PCDH15: variants seen among roughly 807,000 people sequenced by gnomAD.
The protein encoded by PCDH15 is protocadherin-15.
A neutral mutation model predicts 178.5 loss-of-function variants in PCDH15; 129 were observed. The ratio of observed to expected loss-of-function variants is 0.72; its 90% CI spans 0.63 to 0.84. The LOEUF is 0.84. Ranked by LOEUF, PCDH15 falls within the 40% of genes least tolerant of loss-of-function variation. The pLI, the probability that PCDH15 is intolerant of heterozygous loss-of-function variation, is 0.00. For missense variants in PCDH15, 2,230 were observed against 2,099.9 expected, an observed-to-expected ratio of 1.06 and a Z score of -1.21; for synonymous variants, 800 against 732.0, an observed-to-expected ratio of 1.09 and a Z score of -1.50.
intron 1 of PCDH15, among the ~76,000 whole-genome samples, chr10:54,703,248 A>G (rs1156609739): frequency 6.6e-6 from 1 of 152,136 alleles, no homozygotes; most frequent in Admixed American, 6.6e-5. Flanking sequence ...AGAGCCGTCT[A>G]TGACAAACCC....
chr10:54,163,341 C>T (rs1163772183), intron 13 of PCDH15, among the ~76,000 whole-genome samples: 1 of 151,910 alleles, frequency 6.6e-6, no homozygotes, highest in Non-Finnish European at 1.5e-5. Context: ...ACTGGGAGGC[C>T]TCAGGAAACT....
intron 1 of PCDH15, among the ~76,000 whole-genome samples, chr10:55,297,705 A>T (rs1301097030): frequency 6.6e-6 from 1 of 152,114 alleles, no homozygotes; most frequent in Non-Finnish European, 1.5e-5. Context: ...ACTGAATACT[A>T]AGGTGTTTGC....
At chr10:55,269,071 A>G (rs938841647) in intron 1 of PCDH15, among the ~76,000 whole-genome samples, 1 of 152,142 alleles carries the variant, frequency 6.6e-6, no homozygotes, top group Non-Finnish European at 1.5e-5. Flanking sequence ...AAAGCTTTCA[A>G]CATAATCCAA....
At chr10:55,267,117 G>A (rs1015399393) in intron 1 of PCDH15, among the ~76,000 whole-genome samples, 4 of 152,062 alleles carry the variant, frequency 2.6e-5, no homozygotes, top group African/African-American at 4.8e-5. Flanking sequence ...AGGAAGGCAG[G>A]GAGGGGGAGG....
intron 2 of PCDH15, among the ~76,000 whole-genome samples, chr10:55,544,668 C>T (rs1841839790): frequency 6.6e-6 from 1 of 152,094 alleles, no homozygotes; most frequent in African/African-American, 2.4e-5. Flanking sequence ...CCATCATACA[C>T]AATAAAGGGG....
rs1415161284 is a variant in PCDH15 at position 53,822,406 on chromosome 10, AAGG to A, written c.4368-2179_4368-2177del. On this transcript the variant is annotated intron_variant, in intron 32 of 37. Coordinates refer to ENST00000644397, the MANE Select transcript of PCDH15 (RefSeq NM_001384140.1). ...GAGGGAGGAGGACAAAAAAGAGAAA[AAGG>A]AGAAATGTCAGGAGGAGGAGCAAGA... The A allele has an allele frequency of 1.3e-6, 2 of 1,576,194 alleles. No individual in the cohort carries two copies. The highest frequency in any genetic ancestry group is 8.6e-7 in the Non-Finnish European group (1 of 1,160,852).
At chr10:54,539,941 C>A (rs1219787) in intron 2 of PCDH15, among the ~76,000 whole-genome samples, 70,197 of 151,980 alleles carry the variant, frequency 0.46, 16,924 homozygotes, top group African/African-American at 0.59. Flanking sequence ...TTAAAAAATT[C>A]TTTTAAATAA....
chr10:54,357,263 C>T (rs1209825857), intron 5 of PCDH15, among the ~76,000 whole-genome samples: 4 of 152,028 alleles, frequency 2.6e-5, no homozygotes, highest in Admixed American at 2.0e-4. Flanking sequence ...ATCTGAAAAC[C>T]CCACTGTCTC....
At chr10:54,929,239 G>A (rs1339624512) in intron 2 of PCDH15, among the ~76,000 whole-genome samples, 1 of 152,078 alleles carries the variant, frequency 6.6e-6, no homozygotes, top group African/African-American at 2.4e-5. Context: ...AACTCTGGGG[G>A]ACTTGTATTG....
intron 2 of PCDH15, among the ~76,000 whole-genome samples, chr10:54,911,283 A>G (rs1450116774): frequency 6.6e-6 from 1 of 152,150 alleles, no homozygotes; most frequent in Non-Finnish European, 1.5e-5. Context: ...ATATTTAACA[A>G]ATCTAAACCT....
At chr10:55,175,014 T>C (rs1839438857) in intron 1 of PCDH15, among the ~76,000 whole-genome samples, 1 of 149,338 alleles carries the variant, frequency 6.7e-6, no homozygotes, top group Non-Finnish European at 1.5e-5. Context: ...GCAGGCCGAC[T>C]TACAAACAGC....
In PCDH15 at chr10:54,421,826, A is replaced by G. The variant is rs1369709448; in HGVS notation, c.158-42884T>C. Among the ~76,000 whole-genome samples the G allele has an allele frequency of 4.4e-3, 351 of 79,714 alleles. 9 individuals carry two copies. Among genetic ancestry groups the G allele is most frequent in the African/African-American group, 0.017 (327 of 19,042 alleles). 52.3% of individuals were successfully genotyped at this position (79,714 alleles called of 152,430 possible). On this transcript the variant is annotated intron_variant, in intron 3 of 37. Coordinates refer to ENST00000644397, the MANE Select transcript of PCDH15 (RefSeq NM_001384140.1). ...ACATGTGTAGTGTGTGTATATATAT[A>G]TATATATATATACACACACACTATA...
At chr10:54,274,329 A>G (rs1381827762) in intron 8 of PCDH15, among the ~76,000 whole-genome samples, 2 of 152,074 alleles carry the variant, frequency 1.3e-5, no homozygotes, top group Non-Finnish European at 2.9e-5. Context: ...CCCACTTTGT[A>G]GTCTTACATT....
At chr10:55,150,490 G>C (rs1838678806) in intron 2 of PCDH15, among the ~76,000 whole-genome samples, 1 of 152,040 alleles carries the variant, frequency 6.6e-6, no homozygotes, top group Admixed American at 6.6e-5. Context: ...GTATTTTATA[G>C]TTACAGTCTA....
chr10:54,006,521 T>G (rs889930897), intron 20 of PCDH15, among the ~76,000 whole-genome samples: 1 of 152,180 alleles, frequency 6.6e-6, no homozygotes, highest in Non-Finnish European at 1.5e-5. Flanking sequence ...CTGTTTTGTT[T>G]GAGTCTGGGA....
intron 2 of PCDH15, among the ~76,000 whole-genome samples, chr10:55,138,370 T>G (rs1838260095): frequency 6.6e-6 from 1 of 152,130 alleles, no homozygotes; most frequent in African/African-American, 2.4e-5. Context: ...TGAGAAATAG[T>G]TGTCAAGTAT....
intron 3 of PCDH15, among the ~76,000 whole-genome samples, chr10:54,809,679 G>C (rs1040940474): frequency 2.6e-5 from 4 of 152,052 alleles, no homozygotes; most frequent in Non-Finnish European, 4.4e-5. Context: ...GCCAGGCAAA[G>C]CTGTAGGGAT....
At chr10:54,720,902 TTTACA>T (rs1941492330) in intron 1 of PCDH15, among the ~76,000 whole-genome samples, 1 of 152,016 alleles carries the variant, frequency 6.6e-6, no homozygotes, top group Non-Finnish European at 1.5e-5. Context: ...ATAATAGGTA[TTTACA>T]TTACATTTCA....
intron 1 of PCDH15, among the ~76,000 whole-genome samples, chr10:54,726,550 A>C (rs1044988907): frequency 5.9e-5 from 9 of 151,428 alleles, no homozygotes; most frequent in South Asian, 4.1e-4. Context: ...GAGAGGGCAC[A>C]GGTCAAATAA....
Sources: gnomAD v4.1 joint callset for allele counts (sites outside exome capture counted in the v4.1 genomes callset) on GRCh38, gnomAD v4.1.1 for gene constraint, MANE v1.5 for transcripts, NCBI Gene and HGNC (gene_info 2026-07-23, HGNC 2026-07-21) for gene names.